The following AUTS2 variants were observed in gnomAD, a reference collection of about 807,000 sequenced individuals.
The protein encoded by AUTS2 is activator of transcription and developmental regulator AUTS2.
Under a neutral mutation model 112.4 loss-of-function variants are expected in AUTS2, and 17 were observed. That is an observed-to-expected ratio of 0.15 (90% CI 0.10 to 0.23). The LOEUF is 0.23. AUTS2 is among the 10% of genes least tolerant of loss of function. The pLI is 1.00. For missense variants in AUTS2, 1,510 were observed against 1,701.6 expected, an observed-to-expected ratio of 0.89 and a Z score of 1.98; for synonymous variants, 751 against 702.7, an observed-to-expected ratio of 1.07 and a Z score of -1.09.
chr7:70,790,898 G>A lies in AUTS2; in HGVS notation c.3682G>A (p.Gly1228Arg), dbSNP rs1791906412. 1 of 1,594,392 alleles carries A rather than the reference G, an allele frequency of 6.3e-7. No homozygotes were observed. The highest frequency in any genetic ancestry group is 8.5e-7 in the Non-Finnish European group (1 of 1,170,016). ...ACCTCCCCCGCTCATCTCCACGCTGGGGGGCCGCCCGGTCTCTCCCAGAAG... is the reference window on the plus strand; with the variant it reads ...ACCTCCCCCGCTCATCTCCACGCTGAGGGGCCGCCCGGTCTCTCCCAGAAG... ...SAPPPLISTLGGRPVSPRRTT... is the reference protein window; with the variant it reads ...SAPPPLISTLRGRPVSPRRTT... Residue 1228 changes from glycine to arginine, a missense_variant, in exon 19 of 19, where the codon GGG (glycine) becomes AGG (arginine). Gly to Arg is a moderately radical substitution (Grantham distance 125). This residue lies in a region of AUTS2 where 788 missense variants were observed against 797.6 expected (regional missense o/e 0.99). Coordinates refer to ENST00000342771, the MANE Select transcript of AUTS2 (RefSeq NM_015570.4). This position sits in a 1 kb window ranked among gnomAD's most constrained non-coding sequence, Gnocchi z 7.6.
chr7:70,237,424 A>G (rs1812384480), intron 4 of AUTS2, among the ~76,000 whole-genome samples: 1 of 152,156 alleles, frequency 6.6e-6, no homozygotes, highest in Non-Finnish European at 1.5e-5. Context: ...CCACTGAGCA[A>G]TTCTAGAAAC....
intron 5 of AUTS2, among the ~76,000 whole-genome samples, chr7:70,503,928 C>T (rs1177910192): frequency 1.3e-5 from 2 of 151,248 alleles, no homozygotes; most frequent in Non-Finnish European, 2.9e-5. Flanking sequence ...TTTTATTTTA[C>T]ATCAGCCATC....
intron 2 of AUTS2, among the ~76,000 whole-genome samples, chr7:69,936,074 T>C (rs929220764): frequency 1.3e-5 from 2 of 152,228 alleles, no homozygotes; most frequent in African/African-American, 4.8e-5. Context: ...AGACCACAGG[T>C]TGGAAATTCT....
intron 2 of AUTS2, among the ~76,000 whole-genome samples, chr7:69,914,538 C>T (rs1301538159): frequency 6.6e-6 from 1 of 151,996 alleles, no homozygotes; most frequent in Non-Finnish European, 1.5e-5. Context: ...TGGACCGTGT[C>T]TGCTGTTCTC....
chr7:70,775,063 A>T lies in AUTS2; in HGVS notation c.1903-294A>T, dbSNP rs1790600407. On this transcript the variant is annotated intron_variant, in intron 12 of 18. Coordinates refer to ENST00000342771, the MANE Select transcript of AUTS2 (RefSeq NM_015570.4). ...GTGTGGTTTGGAGCTCAAAACAGTG[A>T]AACTCCTGGTGTGTGATGTGAGCAA... The T allele has an allele frequency of 3.6e-5, 15 of 422,004 alleles. No individual in the cohort carries two copies. The East Asian group carries it at 6.3e-4, about 18-fold the overall frequency. 26.1% of individuals were successfully genotyped at this position (422,004 alleles called of 1,614,324 possible). A position where few individuals can be genotyped will look rare whatever the true frequency, so the allele number is the denominator to read the frequency against.
intron 11 of AUTS2, among the ~76,000 whole-genome samples, chr7:70,772,813 G>A (rs780682940): frequency 6.6e-6 from 1 of 152,198 alleles, no homozygotes; most frequent in Non-Finnish European, 1.5e-5. Context: ...GAGATAAAAT[G>A]ATGGTGATTT....
chr7:69,920,338 G>T (rs1335057627), intron 2 of AUTS2, among the ~76,000 whole-genome samples: 1 of 151,540 alleles, frequency 6.6e-6, no homozygotes, highest in East Asian at 1.9e-4. Flanking sequence ...TGTCACTCAG[G>T]TTGAAGTGCA....
intron 1 of AUTS2, among the ~76,000 whole-genome samples, chr7:69,627,533 AACTCAG>A (rs1013481481): frequency 6.6e-6 from 1 of 152,088 alleles, no homozygotes; most frequent in African/African-American, 2.4e-5. Flanking sequence ...ACAATAAAAA[AACTCAG>A]ACACTTTAGT....
intron 5 of AUTS2, among the ~76,000 whole-genome samples, chr7:70,678,778 G>A (rs551326817): frequency 7.2e-5 from 11 of 152,278 alleles, no homozygotes; most frequent in Admixed American, 5.2e-4. Context: ...GGTTGACCAC[G>A]AAGCTCAGAG....
At position 70,735,216 on chromosome 7, in the gene AUTS2, C is replaced by T. The variant is rs1279177137; in HGVS notation, c.743-27654C>T. ...AAGGAGAGCTGAAATGGGTTGTCCCCCAAGGCTGGGAGATGTGTTTGGTTC... is the reference window on the plus strand; with the variant it reads ...AAGGAGAGCTGAAATGGGTTGTCCCTCAAGGCTGGGAGATGTGTTTGGTTC... On this transcript the variant is annotated intron_variant, in intron 6 of 18. Transcript: ENST00000342771. Among the ~76,000 whole-genome samples, 4 of 152,282 alleles carry T rather than the reference C, an allele frequency of 2.6e-5. No individual in the cohort carries two copies. The East Asian group carries it at 5.8e-4, about 22-fold the overall frequency.
At chr7:70,472,941 G>A (rs1797448144) in intron 5 of AUTS2, among the ~76,000 whole-genome samples, 1 of 152,182 alleles carries the variant, frequency 6.6e-6, no homozygotes, top group South Asian at 2.1e-4. Context: ...TATCAAGGGG[G>A]CTACATCAGT....
chr7:70,085,696 C>T (rs1803562989), intron 2 of AUTS2, among the ~76,000 whole-genome samples: 2 of 152,122 alleles, frequency 1.3e-5, no homozygotes, highest in African/African-American at 4.8e-5. Context: ...ACAGTTGTTC[C>T]AGCATCATTT....
At chr7:70,704,645 A>T (rs754691761) in intron 6 of AUTS2, among the ~76,000 whole-genome samples, 6 of 152,218 alleles carry the variant, frequency 3.9e-5, no homozygotes, top group African/African-American at 9.7e-5. Context: ...GGAATTGAAA[A>T]ATATCAGATC....
At chr7:70,281,786 A>G (rs1464886439) in intron 4 of AUTS2, among the ~76,000 whole-genome samples, 2 of 152,228 alleles carry the variant, frequency 1.3e-5, no homozygotes, top group Non-Finnish European at 2.9e-5. Context: ...CTTAAAGGCT[A>G]TTGTCATTCT....
chr7:69,605,115 T>G lies in AUTS2; in HGVS notation c.309+5153T>G, dbSNP rs141117481. Among the ~76,000 whole-genome samples, 10 of 152,358 alleles carry G rather than the reference T, an allele frequency of 6.6e-5. No homozygotes were observed. The East Asian group carries it at 1.9e-3, about 29-fold the overall frequency. On this transcript the variant is annotated intron_variant, in intron 1 of 18. Transcript: ENST00000342771. ...CTATTTTGACCACAGAGCACTTTTA[T>G]TCTCTGCATTGTAATCTATAATCCA...
intron 1 of AUTS2, among the ~76,000 whole-genome samples, chr7:69,711,085 G>A (rs916988868): frequency 1.3e-5 from 2 of 152,132 alleles, no homozygotes; most frequent in South Asian, 4.1e-4. Flanking sequence ...GGACAAATGC[G>A]TCACTTAGTG....
Position 69,846,532 on chromosome 7 carries a change from A to T in AUTS2, c.310-52754A>T, listed in dbSNP as rs1470787264. Among the ~76,000 whole-genome samples the T allele has an allele frequency of 2.0e-5, 3 of 152,158 alleles. No homozygotes were observed. In the East Asian group the frequency reaches 5.8e-4, roughly 29 times the overall value. On this transcript the variant is annotated intron_variant, in intron 1 of 18. Transcript: ENST00000342771. ...CTCCCTATGTGTCGGGTGTTACACT[A>T]AGTGCTTTACAGGTATTGTTTCATT...
chr7:70,284,814 G>A (rs1788382232), intron 4 of AUTS2, among the ~76,000 whole-genome samples: 1 of 152,278 alleles, frequency 6.6e-6, no homozygotes, highest in South Asian at 2.1e-4. Context: ...CACTGGAAAG[G>A]AAGACTGAGC....
At chr7:70,235,583 C>T (rs1812281838) in intron 4 of AUTS2, among the ~76,000 whole-genome samples, 2 of 152,128 alleles carry the variant, frequency 1.3e-5, no homozygotes, top group Admixed American at 6.6e-5. Context: ...TAGGTGGATG[C>T]TCTGCTTCTC....
Sources: gnomAD v4.1 joint callset for allele counts (sites outside exome capture counted in the v4.1 genomes callset) on GRCh38, gnomAD v4.1.1 for gene constraint, gnomAD v4.1.1 regional missense constraint, Gnocchi (gnomAD v3.1) non-coding constraint, MANE v1.5 for transcripts, NCBI Gene and HGNC (gene_info 2026-07-23, HGNC 2026-07-21) for gene names.